The following RRAGB variants were observed in gnomAD, a reference collection of about 807,000 sequenced individuals.
RRAGB encodes Ras related GTP binding B, also known as ras-related GTP-binding protein B.
In RRAGB, 6 loss-of-function variants were observed where a neutral mutation model predicts 29.3. The observed-to-expected ratio is 0.21, with a 90% CI of 0.11 to 0.40. RRAGB has a LOEUF of 0.40. Ranked by LOEUF, RRAGB falls within the 10% of genes least tolerant of loss-of-function variation. The pLI is 1.00. For missense variants in RRAGB, 184 were observed against 272.9 expected (o/e 0.67, Z 2.29); for synonymous variants, 101 against 92.5 (o/e 1.09, Z -0.53).
At chrX:55,725,901 C>T (rs776310229) in intron 3 of RRAGB, among the ~76,000 whole-genome samples, 11 of 110,759 alleles carry the variant, frequency 9.9e-5, no homozygotes, top group Admixed American at 1.9e-4. Context: ...CTTTCTGCCC[C>T]GTAAGTGTGT....
chrX:55,735,533 C>A (rs1466639301), intron 5 of RRAGB, among the ~76,000 whole-genome samples: 1 of 112,151 alleles, frequency 8.9e-6, no homozygotes, highest in Admixed American at 9.4e-5. Flanking sequence ...CTCTTGAAGA[C>A]AGCAGATATT....
intron 4 of RRAGB, among the ~76,000 whole-genome samples, chrX:55,730,993 T>A (rs1262647457): frequency 1.8e-5 from 2 of 109,401 alleles, no homozygotes; most frequent in African/African-American, 3.3e-5. Flanking sequence ...TGAGACAGAG[T>A]GAACAGCATG....
chrX:55,755,486 A>G (rs2074561069), intron 7 of RRAGB: 1 of 738,939 alleles, frequency 1.4e-6, no homozygotes, highest in African/African-American at 2.3e-5. Context: ...AGGAATTTTT[A>G]TTTGTTTTTC....
intron 5 of RRAGB, among the ~76,000 whole-genome samples, chrX:55,743,253 A>G (rs956465258): frequency 8.9e-6 from 1 of 112,527 alleles, no homozygotes; most frequent in African/African-American, 3.2e-5. Context: ...TAGTTTTGGC[A>G]GAAGAAATGG....
chrX:55,730,598 C>T (rs963069966), intron 4 of RRAGB, among the ~76,000 whole-genome samples: 1 of 111,867 alleles, frequency 8.9e-6, no homozygotes, highest in Non-Finnish European at 1.9e-5. Context: ...CTTAGCCTAA[C>T]GAGCAAAGAG....
chrX:55,750,111 G>T (rs1365828344), intron 5 of RRAGB, among the ~76,000 whole-genome samples: 3 of 90,922 alleles, frequency 3.3e-5, no homozygotes, highest in Non-Finnish European at 4.2e-5. Context: ...CAGTACTGAA[G>T]TCTGTGTTAG....
chrX:55,742,005 G>A (rs1057270650), intron 5 of RRAGB, among the ~76,000 whole-genome samples: 7 of 111,811 alleles, frequency 6.3e-5, no homozygotes, highest in South Asian at 3.7e-4. Flanking sequence ...GTAATCCTGC[G>A]TACAACCAAA....
intron 1 of RRAGB, 91 bp from the exon 2 acceptor site, chrX:55,719,223 C>T (rs889470568): frequency 3.7e-6 from 3 of 810,019 alleles, no homozygotes; most frequent in Non-Finnish European, 5.4e-6. Context: ...TAAACATGCT[C>T]TTTTGTACCT....
chrX:55,739,481 A>G (rs1262167715), intron 5 of RRAGB, among the ~76,000 whole-genome samples: 1 of 111,762 alleles, frequency 8.9e-6, no homozygotes, highest in Non-Finnish European at 1.9e-5. Context: ...GCTCTTTTTC[A>G]TATACTTCCC....
At chrX:55,747,812 G>GCTCCCT (rs140688554) in intron 5 of RRAGB, among the ~76,000 whole-genome samples, 10,467 of 81,122 alleles carry the variant, frequency 0.13, 826 homozygotes, top group South Asian at 0.16. Flanking sequence ...GATTATTCTC[G>GCTCCCT]CTCCCTCTCC....
At chrX:55,739,596 T>TC (rs1318426292) in intron 5 of RRAGB, among the ~76,000 whole-genome samples, 1 of 111,987 alleles carries the variant, frequency 8.9e-6, no homozygotes, top group Non-Finnish European at 1.9e-5. Context: ...AGACATTGTC[T>TC]CCCCCTTTCA....
intron 4 of RRAGB, among the ~76,000 whole-genome samples, chrX:55,730,115 G>C (rs1339315049): frequency 1.8e-5 from 2 of 112,445 alleles, no homozygotes; most frequent in Non-Finnish European, 3.8e-5. Context: ...ATACAAAGTT[G>C]CATAGCAGAG....
At chrX:55,749,382 C>T (rs1329142122) in intron 5 of RRAGB, among the ~76,000 whole-genome samples, 1 of 98,392 alleles carries the variant, frequency 1.0e-5, no homozygotes, top group Non-Finnish European at 2.1e-5. Flanking sequence ...AGCCCCCGCC[C>T]GGTCAGCCGC....
intron 5 of RRAGB, among the ~76,000 whole-genome samples, chrX:55,747,503 G>C (rs922831164): frequency 3.6e-5 from 4 of 111,951 alleles, no homozygotes; most frequent in Non-Finnish European, 7.5e-5. Flanking sequence ...TGATAATTCA[G>C]ATCTCTGAGC....
chrX:55,755,504 T>A, intron 7 of RRAGB: 1 of 731,142 alleles, frequency 1.4e-6, no homozygotes, highest in Non-Finnish European at 1.6e-6. Context: ...TTCTTTTTGA[T>A]TGATACTTTT....
chrX:55,741,185 C>A (rs1165478388), intron 5 of RRAGB, among the ~76,000 whole-genome samples: 3 of 111,101 alleles, frequency 2.7e-5, no homozygotes, highest in Non-Finnish European at 5.7e-5. Context: ...TGATTGCTCT[C>A]AATTGATCAT....
intron 5 of RRAGB, among the ~76,000 whole-genome samples, chrX:55,748,708 C>T (rs1267264252): frequency 8.9e-6 from 1 of 111,798 alleles, no homozygotes; most frequent in Admixed American, 9.3e-5. Flanking sequence ...AGCGTCTCCG[C>T]CCGGCAGCCA....
intron 7 of RRAGB, among the ~76,000 whole-genome samples, chrX:55,754,910 A>G (rs1177233964): frequency 1.8e-5 from 2 of 111,905 alleles, no homozygotes; most frequent in Non-Finnish European, 3.8e-5. Context: ...AGTAACAATG[A>G]GCAAGAAAGC....
chrX:55,751,363 T>C (rs1266910325), intron 6 of RRAGB, 167 bp downstream of exon 6: 1 of 366,323 alleles, frequency 2.7e-6, no homozygotes, highest in Non-Finnish European at 4.6e-6. Flanking sequence ...AAACTTAACA[T>C]TAAGAGACTT....
Sources: allele counts gnomAD v4.1 joint callset (sites outside exome capture counted in the v4.1 genomes callset), GRCh38; gene constraint gnomAD v4.1.1; transcripts MANE v1.5; gene names NCBI Gene and HGNC (gene_info 2026-07-23, HGNC 2026-07-21).